RCSD1: variants seen among roughly 807,000 people sequenced by gnomAD.
RCSD1 encodes capZ-interacting protein.
Under a neutral mutation model 42.5 loss-of-function variants are expected in RCSD1, and 26 were observed. The ratio of observed to expected loss-of-function variants is 0.61; its 90% confidence interval spans 0.45 to 0.85. RCSD1 has a LOEUF of 0.85. RCSD1 is among the 40% of genes least tolerant of loss of function. RCSD1 has a pLI of 0.00. For synonymous variants in RCSD1, 220 were observed against 212.2 expected, an observed-to-expected ratio of 1.04 and a Z score of -0.32; for missense variants, 571 against 528.3, an observed-to-expected ratio of 1.08 and a Z score of -0.79.
chr1:167,654,303 T>G (rs954879000), intron 1 of RCSD1, among the ~76,000 whole-genome samples: 1 of 152,166 alleles, frequency 6.6e-6, no homozygotes, highest in African/African-American at 2.4e-5. Context: ...AGTATGGTCT[T>G]GGGTGGCTGC....
At chr1:167,695,612 C>T (rs1659480670) in intron 5 of RCSD1, among the ~76,000 whole-genome samples, 1 of 149,588 alleles carries the variant, frequency 6.7e-6, no homozygotes, top group Admixed American at 6.7e-5. Context: ...GATATTGGCT[C>T]ATCGCAACCC....
chr1:167,667,054 A>T (rs920000927), intron 1 of RCSD1, among the ~76,000 whole-genome samples: 2 of 151,044 alleles, frequency 1.3e-5, no homozygotes, highest in African/African-American at 4.9e-5. Flanking sequence ...TGGTGAGAGG[A>T]GATGGAAAAG....
At chr1:167,663,799 A>G (rs1658593477) in intron 1 of RCSD1, 1 of 152,202 alleles carries the variant, frequency 6.6e-6, no homozygotes, top group South Asian at 2.1e-4. Flanking sequence ...ACTAACACCT[A>G]CTGTGTGCCA....
At chr1:167,694,053 A>C in intron 4 of RCSD1, 46 bp from the exon 5 acceptor site, 1 of 1,592,390 alleles carries the variant, frequency 6.3e-7, no homozygotes, top group Non-Finnish European at 8.6e-7. Context: ...AGAGGCTCTG[A>C]TCTTCTCCCT....
intron 1 of RCSD1, among the ~76,000 whole-genome samples, chr1:167,644,520 C>A: frequency 6.6e-6 from 1 of 151,862 alleles, no homozygotes; most frequent in East Asian, 1.9e-4. Flanking sequence ...TACATACATA[C>A]ATACATACAT....
At chr1:167,693,328 T>C (rs1253852307) in intron 4 of RCSD1, among the ~76,000 whole-genome samples, 3 of 152,220 alleles carry the variant, frequency 2.0e-5, no homozygotes, top group Non-Finnish European at 2.9e-5. Context: ...CCTTCGGGCA[T>C]CTGGGACCAC....
chr1:167,674,241 C>T (rs1361296699), intron 1 of RCSD1, among the ~76,000 whole-genome samples: 1 of 152,210 alleles, frequency 6.6e-6, no homozygotes, highest in Non-Finnish European at 1.5e-5. Context: ...TCCTCACAGA[C>T]CTATAAGCCC....
intron 4 of RCSD1, 87 bp downstream of exon 4, chr1:167,690,207 G>C: frequency 7.4e-6 from 9 of 1,212,570 alleles, no homozygotes; most frequent in South Asian, 1.3e-5. Flanking sequence ...GCTCATAGGG[G>C]TAGCCTATGT....
intron 1 of RCSD1, among the ~76,000 whole-genome samples, chr1:167,658,366 C>T (rs1427926696): frequency 6.6e-6 from 1 of 152,180 alleles, no homozygotes; most frequent in Non-Finnish European, 1.5e-5. Flanking sequence ...AACTTATCTG[C>T]ATCTTACAAT....
At chr1:167,649,614 G>A (rs1658253664) in intron 1 of RCSD1, among the ~76,000 whole-genome samples, 1 of 152,162 alleles carries the variant, frequency 6.6e-6, no homozygotes, top group Non-Finnish European at 1.5e-5. Context: ...ATTGGAGAGA[G>A]CATGGTATGA....
chr1:167,698,507 T>A (rs1172234994), intron 6 of RCSD1, among the ~76,000 whole-genome samples: 1 of 152,062 alleles, frequency 6.6e-6, no homozygotes, highest in Non-Finnish European at 1.5e-5. Context: ...GAGGACGGGG[T>A]GACTCAGTCC....
intron 1 of RCSD1, among the ~76,000 whole-genome samples, chr1:167,682,279 C>T (rs769762067): frequency 5.3e-5 from 8 of 151,716 alleles, no homozygotes; most frequent in African/African-American, 1.2e-4. Context: ...AAGCAATTCT[C>T]CTGCCTCAGC....
chr1:167,657,891 GCA>G (rs36021344), intron 1 of RCSD1, among the ~76,000 whole-genome samples: 22,273 of 147,908 alleles, frequency 0.15, 1,898 homozygotes, highest in African/African-American at 0.25. Flanking sequence ...GTTTACTCAT[GCA>G]CACACACACA....
At position 167,694,098 on chromosome 1, in the gene RCSD1, G is replaced by A; in HGVS notation, c.271-1G>A. 1 of 1,614,102 alleles carries A rather than the reference G, an allele frequency of 6.2e-7. No homozygotes were observed. Among genetic ancestry groups the A allele is most frequent in the Non-Finnish European group, 8.5e-7 (1 of 1,179,982 alleles). On this transcript the variant is annotated splice_acceptor_variant, in intron 4 of 6. Coordinates refer to ENST00000367854, the MANE Select transcript of RCSD1 (RefSeq NM_052862.4). LOFTEE classifies it high-confidence loss of function. Reference sequence around the variant, plus strand: ...TGAAATTGTTCATCTTTTCTTGACAGGCCAATTTAACCTTTGACCCAGCTG... The same window carrying A: ...TGAAATTGTTCATCTTTTCTTGACAAGCCAATTTAACCTTTGACCCAGCTG...
chr1:167,694,879 A>G (rs1384522047), intron 5 of RCSD1, among the ~76,000 whole-genome samples: 1 of 152,176 alleles, frequency 6.6e-6, no homozygotes, highest in Non-Finnish European at 1.5e-5. Context: ...GTGAGCTTTC[A>G]TCACATCCCT....
Position 167,707,913 on chromosome 1 carries a change from C to T in RCSD1, c.*3217C>T, listed in dbSNP as rs1188728996. 6.6e-6 allele frequency among the ~76,000 whole-genome samples: 1 copy of T among 152,218 alleles called. No individual in the cohort carries two copies. The highest frequency in any genetic ancestry group is 1.5e-5 in the Non-Finnish European group (1 of 68,040). ...GTTTCACTATGTTGGCCAGGCTGGT[C>T]TCAAACTCCTGGCCTCTAGTGATCT... On this transcript the variant is annotated 3_prime_UTR_variant, in exon 7 of 7. Transcript: ENST00000367854.
intron 6 of RCSD1, 129 bp from the exon 7 acceptor site, chr1:167,704,535 T>G (rs1259870836): frequency 3.8e-6 from 3 of 779,970 alleles, no homozygotes; most frequent in East Asian, 5.4e-5. Context: ...AGCATTCTTA[T>G]GACTATCATT....
chr1:167,653,242 G>A (rs1558076537), intron 1 of RCSD1, among the ~76,000 whole-genome samples: 1 of 152,208 alleles, frequency 6.6e-6, no homozygotes, highest in African/African-American at 2.4e-5. Context: ...TGCTTTGGAA[G>A]TTTATCTCCT....
intron 1 of RCSD1, among the ~76,000 whole-genome samples, chr1:167,655,768 C>T (rs1002835818): frequency 3.8e-4 from 58 of 152,328 alleles, no homozygotes; most frequent in African/African-American, 1.4e-3. Flanking sequence ...AGAATCTTTG[C>T]TTCTCATACA....
Sources: gnomAD v4.1 joint callset for allele counts (sites outside exome capture counted in the v4.1 genomes callset) on GRCh38, gnomAD v4.1.1 for gene constraint, MANE v1.5 for transcripts, NCBI Gene and HGNC (gene_info 2026-07-23, HGNC 2026-07-21) for gene names.